The following LRRIQ1 variants were observed in gnomAD, a reference collection of about 807,000 sequenced individuals.
LRRIQ1 encodes leucine rich repeats and IQ motif containing 1.
LRRIQ1 carries 210 observed loss-of-function variants against 211.9 expected under a neutral mutation model. The observed-to-expected ratio is 0.99, with a 90% CI of 0.89 to 1.11. LRRIQ1 has a LOEUF of 1.11. Among genes scored for constraint, LRRIQ1 ranks in the 50% most tolerant of loss-of-function variants. The pLI is 0.00. For synonymous variants in LRRIQ1, 699 were observed against 650.1 expected (o/e 1.08, Z -1.14); for missense variants, 2,136 against 1,939.5 (o/e 1.10, Z -1.90).
intron 24 of LRRIQ1, among the ~76,000 whole-genome samples, chr12:85,178,699 C>T (rs556702037): frequency 6.6e-6 from 1 of 151,802 alleles, no homozygotes; most frequent in South Asian, 2.1e-4. Context: ...TACCTGGGAC[C>T]CCTCCTTTTT....
chr12:85,163,715 T>C (rs545799438), intron 24 of LRRIQ1, among the ~76,000 whole-genome samples: 8 of 152,230 alleles, frequency 5.3e-5, no homozygotes, highest in African/African-American at 1.9e-4. Flanking sequence ...TGGTCTATGA[T>C]TAAAAATATG....
chr12:85,176,094 G>A (rs1891684264), intron 24 of LRRIQ1, among the ~76,000 whole-genome samples: 1 of 152,030 alleles, frequency 6.6e-6, no homozygotes, highest in Non-Finnish European at 1.5e-5. Flanking sequence ...AATTACCTTG[G>A]GCAGTATGGC....
intron 6 of LRRIQ1, among the ~76,000 whole-genome samples, chr12:85,050,476 A>G (rs1453553225): frequency 6.6e-6 from 1 of 152,136 alleles, no homozygotes; most frequent in Non-Finnish European, 1.5e-5. Context: ...TTTCTTTCTG[A>G]GTTGTTCTTC....
At chr12:85,076,781 T>G (rs1488338289) in intron 11 of LRRIQ1, among the ~76,000 whole-genome samples, 1 of 28,368 alleles carries the variant, frequency 3.5e-5, no homozygotes, top group Non-Finnish European at 6.3e-5. Flanking sequence ...TATTCAGTGA[T>G]TTTTTTTTTT....
intron 15 of LRRIQ1, among the ~76,000 whole-genome samples, chr12:85,117,161 A>T (rs910928232): frequency 6.6e-6 from 1 of 152,154 alleles, no homozygotes; most frequent in Admixed American, 6.5e-5. Context: ...TTCTTGAGGG[A>T]TATAGAGAGT....
intron 24 of LRRIQ1, chr12:85,162,809 T>A (rs1890957306): frequency 2.2e-6 from 1 of 455,910 alleles, no homozygotes; most frequent in African/African-American, 2.0e-5. Context: ...TAAAGTACAT[T>A]TGGCATTTCA....
intron 6 of LRRIQ1, among the ~76,000 whole-genome samples, chr12:85,049,788 C>G (rs1464970946): frequency 6.6e-6 from 1 of 152,066 alleles, no homozygotes; most frequent in Non-Finnish European, 1.5e-5. Context: ...GGAAGATAAC[C>G]AATGACTTCT....
At chr12:85,229,734 C>A in intron 25 of LRRIQ1, 85 bp downstream of exon 25, 2 of 1,409,316 alleles carry the variant, frequency 1.4e-6, no homozygotes, top group Non-Finnish European at 2.0e-6. Flanking sequence ...CTAAAACAAA[C>A]ATGACTTTAT....
At chr12:85,142,040 A>G (rs1263472688) in intron 19 of LRRIQ1, among the ~76,000 whole-genome samples, 2 of 151,186 alleles carry the variant, frequency 1.3e-5, no homozygotes, top group South Asian at 2.1e-4. Flanking sequence ...TTTTTTCAAT[A>G]TTTTGGAATA....
chr12:85,220,899 C>G (rs115441576), intron 24 of LRRIQ1, among the ~76,000 whole-genome samples: 2,956 of 151,400 alleles, frequency 0.02, 96 homozygotes, highest in African/African-American at 0.069. Flanking sequence ...ACCCCTCCCC[C>G]CAGGTTCAAG....
intron 24 of LRRIQ1, among the ~76,000 whole-genome samples, chr12:85,222,679 G>C (rs1054565419): frequency 1.3e-5 from 2 of 152,020 alleles, no homozygotes; most frequent in African/African-American, 4.8e-5. Flanking sequence ...TCACTGGAGG[G>C]GAATGTAAAA....
At chr12:85,084,204 TTAAAA>T (rs1192332230) in intron 11 of LRRIQ1, among the ~76,000 whole-genome samples, 67 of 152,216 alleles carry the variant, frequency 4.4e-4, no homozygotes, top group African/African-American at 1.6e-3. Flanking sequence ...CATACAACTA[TTAAAA>T]TAAAATTGCA....
chr12:85,194,857 C>A (rs1210535905), intron 24 of LRRIQ1, among the ~76,000 whole-genome samples: 1 of 152,034 alleles, frequency 6.6e-6, no homozygotes, highest in African/African-American at 2.4e-5. Context: ...ACACAAAAAA[C>A]CCTTCAAAAA....
In LRRIQ1 at chr12:85,051,301, A is replaced by G. The variant is rs1245707922; in HGVS notation, c.679-876A>G. 2.6e-5 allele frequency among the ~76,000 whole-genome samples: 4 copies of G among 152,092 alleles called. No individual in the cohort carries two copies. In the East Asian group the frequency reaches 7.7e-4, roughly 29 times the overall value. The stretch of plus-strand genomic sequence containing the variant: ...CAGATGCTGGCACCGTTCTTCCTGT[A>G]CAGCCAGCAAAATCGTGAATTAAAT... On this transcript the variant is annotated intron_variant, in intron 6 of 26. Transcript: ENST00000393217.
Position 85,047,296 on chromosome 12 carries a change from A to T in LRRIQ1, c.504A>T (p.Arg168Ser). The T allele has an allele frequency of 6.2e-7, 1 of 1,609,234 alleles. No homozygotes were observed. The highest frequency in any genetic ancestry group is 8.5e-7 in the Non-Finnish European group (1 of 1,178,782). The change falls in exon 6 of 27, where the codon AGA becomes AGT. Residue 168 changes from arginine (R) to serine (S), a missense_variant. Physicochemically the swap from Arg to Ser is moderately radical, Grantham distance 110. Transcript: ENST00000393217. ...FGYCEVEEKC[R>S]QSFEAWQEKQ... ...ACTGTGAAGTGGAAGAAAAATGTAGACAGTCTTTTGAGGCTTGGCAAGAGA... is the reference window on the plus strand; with the variant it reads ...ACTGTGAAGTGGAAGAAAAATGTAGTCAGTCTTTTGAGGCTTGGCAAGAGA...
At chr12:85,038,398 T>C in intron 2 of LRRIQ1, 90 bp downstream of exon 2, 1 of 925,504 alleles carries the variant, frequency 1.1e-6, no homozygotes, top group Non-Finnish European at 1.5e-6. Context: ...TACTTCTCAT[T>C]TTTAGCAGCA....
At chr12:85,097,251 C>T (rs1031162734) in intron 11 of LRRIQ1, among the ~76,000 whole-genome samples, 1 of 152,024 alleles carries the variant, frequency 6.6e-6, no homozygotes, top group African/African-American at 2.4e-5. Context: ...GAAGTATGAC[C>T]GGGAGGCCCC....
Position 85,047,394 on chromosome 12 carries a change from A to C in LRRIQ1, c.602A>C (p.Gln201Pro). 1.9e-6 allele frequency: 3 copies of C among 1,609,308 alleles called. No individual in the cohort carries two copies. The highest frequency in any genetic ancestry group is 2.6e-6 in the Non-Finnish European group (3 of 1,175,992). Residue 201 changes from glutamine to proline, a missense_variant, in exon 6 of 27, where the codon CAA becomes CCA. Coordinates refer to ENST00000393217, the MANE Select transcript of LRRIQ1 (RefSeq NM_001079910.2). ...AQRDREEKQF[Q>P]EEEEKRHCWM... is the part of the protein sequence containing the mutation. Reference sequence around the variant, plus strand: ...AGGGATAGAGAAGAAAAACAATTTCAAGAAGAAGAAGAAAAGCGACATTGC... The same window carrying C: ...AGGGATAGAGAAGAAAAACAATTTCCAGAAGAAGAAGAAAAGCGACATTGC...
chr12:85,192,276 T>C (rs554287683), intron 24 of LRRIQ1, among the ~76,000 whole-genome samples: 1 of 149,660 alleles, frequency 6.7e-6, no homozygotes, highest in South Asian at 2.1e-4. Flanking sequence ...TCTGTTCCTG[T>C]GTTAGTTTGC....
Sources: allele counts gnomAD v4.1 joint callset (sites outside exome capture counted in the v4.1 genomes callset), GRCh38; gene constraint gnomAD v4.1.1; transcripts MANE v1.5; gene names NCBI Gene and HGNC (gene_info 2026-07-23, HGNC 2026-07-21).